LAMA1: variants seen among roughly 807,000 people sequenced by gnomAD.
The protein encoded by LAMA1 is laminin subunit alpha-1.
Under a neutral mutation model 348.7 loss-of-function variants are expected in LAMA1, and 219 were observed. The ratio of observed to expected loss-of-function variants is 0.63; its 90% confidence interval spans 0.56 to 0.70. The LOEUF is 0.70. LAMA1 is among the 30% of genes least tolerant of loss of function. The pLI is 0.00. For missense variants in LAMA1, 3,744 were observed against 3,888.0 expected, an observed-to-expected ratio of 0.96 and a Z score of 0.99; for synonymous variants, 1,487 against 1,491.0, an observed-to-expected ratio of 1.00 and a Z score of 0.06.
intron 57 of LAMA1, among the ~76,000 whole-genome samples, chr18:6,953,031 TGGG>T (rs2057556040): frequency 6.9e-6 from 1 of 144,568 alleles, no homozygotes; most frequent in African/African-American, 2.5e-5. Context: ...ATCCACGCCA[TGGG>T]AGCCATGTCT....
intron 27 of LAMA1, 66 bp from the exon 28 acceptor site, chr18:7,008,674 A>G (rs2057844801): frequency 1.3e-5 from 21 of 1,570,842 alleles, no homozygotes; most frequent in Non-Finnish European, 1.7e-5. Context: ...AACATAGCAC[A>G]TGACCTAACA....
At chr18:6,957,743 T>A (rs2057586524) in intron 55 of LAMA1, among the ~76,000 whole-genome samples, 1 of 152,046 alleles carries the variant, frequency 6.6e-6, no homozygotes, top group Non-Finnish European at 1.5e-5. Flanking sequence ...TCAGTTCTTT[T>A]CCTCATCATG....
chr18:7,085,700 G>C (rs925302073), intron 1 of LAMA1, among the ~76,000 whole-genome samples: 4 of 152,108 alleles, frequency 2.6e-5, no homozygotes, highest in Non-Finnish European at 2.9e-5. Context: ...TTACAGGCGT[G>C]AGCCACCGCT....
In LAMA1 at chr18:7,050,802, C is replaced by T. The variant is rs1199355768; in HGVS notation, c.480G>A (p.Leu160=). The T allele has an allele frequency of 1.2e-6, 2 of 1,614,172 alleles. No homozygotes were observed. The highest frequency in any genetic ancestry group is 1.7e-6 in the Non-Finnish European group (2 of 1,180,040). ...GTCTTGGAGTTATATTGTAACGAGA[C>T]AAACACTCTGAGTCGCTGACTGCAT... is the stretch of plus-strand genomic sequence containing the variant. ...QYYAVSDSEC[L]SRYNITPRRG... is the part of the protein sequence containing the mutation. Residue 160 remains leucine, a synonymous_variant, in exon 4 of 63, where the codon TTG becomes TTA. Transcript: ENST00000389658.
rs976406080 is a variant in LAMA1 at position 7,038,766 on chromosome 18, A to T, written c.1563+44T>A. 1.9e-6 allele frequency: 3 copies of T among 1,610,224 alleles called. No homozygotes were observed. The African/African-American group carries it at 4.0e-5, about 22-fold the overall frequency. ...ACAGCTCGTGCCAAGCTTGTGCAAT[A>T]CGACCTGCTCATTAAATCCCGCCGC... On this transcript the variant is annotated intron_variant, in intron 11 of 62. Transcript: ENST00000389658.
At chr18:7,090,267 A>G (rs1283323571) in intron 1 of LAMA1, among the ~76,000 whole-genome samples, 1 of 152,236 alleles carries the variant, frequency 6.6e-6, no homozygotes. Context: ...AATCAAAGCT[A>G]AGGCTTAAAT....
Position 6,949,125 on chromosome 18 carries a change from C to A in LAMA1, c.8532G>T (p.Gln2844His). The change falls in exon 59 of 63, where the codon CAG (glutamine) becomes CAT (histidine). Residue 2844 changes from glutamine to histidine, a missense_variant. This residue lies in a region of LAMA1 where 1,983 missense variants were observed against 1,934.3 expected (regional missense o/e 1.03). Transcript: ENST00000389658. ...CATTTCCAATTTTCCTGGCCTGGTACTGGGAGGGCAGGCCTCCTAGGTAGA... is the reference window on the plus strand; with the variant it reads ...CATTTCCAATTTTCCTGGCCTGGTAATGGGAGGGCAGGCCTCCTAGGTAGA... The part of the protein sequence containing the change: ...GLFYLGGLPS[Q>H]YQARKIGNIT... The A allele has an allele frequency of 4.3e-6, 7 of 1,614,162 alleles. No homozygotes were observed. The highest frequency in any genetic ancestry group is 5.9e-6 in the Non-Finnish European group (7 of 1,180,032).
intron 13 of LAMA1, 116 bp downstream of exon 13, chr18:7,035,871 T>G (rs2057992098): frequency 1.3e-6 from 1 of 797,886 alleles, no homozygotes; most frequent in Admixed American, 2.0e-5. Flanking sequence ...GTCTACTGAA[T>G]GGCCACCTGG....
intron 50 of LAMA1, among the ~76,000 whole-genome samples, 182 bp downstream of exon 50, chr18:6,965,106 A>G (rs1316203340): frequency 6.6e-6 from 1 of 152,222 alleles, no homozygotes; most frequent in East Asian, 1.9e-4. Context: ...AAATACAAGT[A>G]TAACCCTCCT....
At chr18:6,971,092 G>A (rs761744722) in intron 48 of LAMA1, among the ~76,000 whole-genome samples, 1 of 152,140 alleles carries the variant, frequency 6.6e-6, no homozygotes, top group East Asian at 1.9e-4. Context: ...CATTAGACAA[G>A]AGAAATTATA....
chr18:7,108,334 ACT>A (rs1200942023), intron 1 of LAMA1, among the ~76,000 whole-genome samples: 1 of 151,418 alleles, frequency 6.6e-6, no homozygotes, highest in Non-Finnish European at 1.5e-5. Context: ...ACAGAGCGAG[ACT>A]CTGTCTCAAA....
At chr18:6,956,194 A>C (rs1332695778) in intron 56 of LAMA1, 6 of 346,708 alleles carry the variant, frequency 1.7e-5, no homozygotes, top group Non-Finnish European at 2.8e-5. Flanking sequence ...AAAGGGGAGA[A>C]CATGAAAAAT....
At chr18:7,092,763 A>C (rs59623865) in intron 1 of LAMA1, among the ~76,000 whole-genome samples, 30 of 152,246 alleles carry the variant, frequency 2.0e-4, no homozygotes, top group African/African-American at 7.2e-4. Flanking sequence ...TCTCTTTCTT[A>C]AACCCTGTTT....
intron 36 of LAMA1, among the ~76,000 whole-genome samples, chr18:6,989,360 T>A (rs529619507): frequency 7.2e-5 from 11 of 152,158 alleles, no homozygotes; most frequent in Non-Finnish European, 1.6e-4. Flanking sequence ...GGTGAAACTC[T>A]GAATGTGGTG....
At chr18:6,986,846 A>C (rs981871718) in intron 36 of LAMA1, among the ~76,000 whole-genome samples, 7 of 151,848 alleles carry the variant, frequency 4.6e-5, no homozygotes, top group Non-Finnish European at 7.4e-5. Context: ...TGCAACCTCC[A>C]CCTCCCATGT....
intron 23 of LAMA1, 87 bp from the exon 24 acceptor site, chr18:7,012,225 T>C: frequency 1.4e-6 from 2 of 1,396,366 alleles, no homozygotes; most frequent in Non-Finnish European, 2.0e-6. Flanking sequence ...AGCACAAACA[T>C]AATTTTAAAC....
intron 19 of LAMA1, among the ~76,000 whole-genome samples, chr18:7,017,658 C>T (rs1489682519): frequency 1.3e-5 from 2 of 152,114 alleles, no homozygotes; most frequent in African/African-American, 2.4e-5. Context: ...ATGACTTCCT[C>T]GACATATTTT....
intron 3 of LAMA1, among the ~76,000 whole-genome samples, chr18:7,075,072 C>T (rs1211766935): frequency 7.0e-6 from 1 of 143,080 alleles, no homozygotes; most frequent in Non-Finnish European, 1.5e-5. Context: ...CATTTGCCAA[C>T]ACAGAATGCA....
intron 28 of LAMA1, among the ~76,000 whole-genome samples, chr18:7,007,582 C>T (rs1486812859): frequency 6.6e-6 from 1 of 152,008 alleles, no homozygotes; most frequent in African/African-American, 2.4e-5. Flanking sequence ...TTCCATCCCT[C>T]CAAAGATGGA....
Sources: allele counts gnomAD v4.1 joint callset (sites outside exome capture counted in the v4.1 genomes callset), GRCh38; gene constraint gnomAD v4.1.1; regional missense constraint gnomAD v4.1.1; transcripts MANE v1.5; gene names NCBI Gene and HGNC (gene_info 2026-07-23, HGNC 2026-07-21).